TMC5: variants seen among roughly 807,000 people sequenced by gnomAD.
TMC5 encodes transmembrane channel-like protein 5.
TMC5 carries 86 observed loss-of-function variants against 110.5 expected under a neutral mutation model. The ratio of observed to expected loss-of-function variants is 0.78; its 90% confidence interval spans 0.65 to 0.93. The LOEUF is 0.93. Ranked by LOEUF, TMC5 falls within the 40% of genes least tolerant of loss-of-function variation. The pLI, the probability that TMC5 is intolerant of heterozygous loss-of-function variation, is 0.00. For missense variants in TMC5, 1,144 were observed against 1,222.8 expected (o/e 0.94, Z 0.96); for synonymous variants, 455 against 439.5 (o/e 1.04, Z -0.44).
chr16:19,423,843 C>A (rs1567296184), intron 1 of TMC5, among the ~76,000 whole-genome samples: 1 of 152,164 alleles, frequency 6.6e-6, no homozygotes, highest in Non-Finnish European at 1.5e-5. Context: ...TCTCCACCTC[C>A]CAGGTTGAAG....
intron 1 of TMC5, chr16:19,411,624 G>C (rs1361434297): frequency 6.6e-6 from 1 of 152,222 alleles, no homozygotes; most frequent in East Asian, 1.9e-4. Context: ...TTCCCTATCT[G>C]TGAAACAGGT....
At chr16:19,493,465 C>CTCTCTCT (rs71375644) in intron 19 of TMC5, among the ~76,000 whole-genome samples, 12 of 74,788 alleles carry the variant, frequency 1.6e-4, no homozygotes, top group African/African-American at 4.1e-4. Context: ...CTCTCTCTCT[C>CTCTCTCT]TTTTTTTTTT....
chr16:19,490,054 G>T (rs1046975911), intron 17 of TMC5, among the ~76,000 whole-genome samples: 2 of 152,048 alleles, frequency 1.3e-5, no homozygotes, highest in African/African-American at 4.8e-5. Flanking sequence ...CAAACTGTTG[G>T]GATTAGAGGC....
At chr16:19,460,609 A>G (rs1300912382) in intron 6 of TMC5, among the ~76,000 whole-genome samples, 1 of 152,048 alleles carries the variant, frequency 6.6e-6, no homozygotes, top group Non-Finnish European at 1.5e-5. Flanking sequence ...TCCAGTGGAG[A>G]GTCTGCCTAA....
chr16:19,456,908 C>G (rs774549724), intron 5 of TMC5: 1 of 1,614,152 alleles, frequency 6.2e-7, no homozygotes, highest in Non-Finnish European at 8.5e-7. Context: ...AAAGGGTAAC[C>G]AGGTGCTGCG....
chr16:19,421,691 T>C (rs1021597405), intron 1 of TMC5, among the ~76,000 whole-genome samples: 8 of 152,240 alleles, frequency 5.3e-5, no homozygotes, highest in African/African-American at 1.9e-4. Context: ...GCAAACAGCA[T>C]TGAATCTAGA....
At chr16:19,447,917 G>A (rs1456020945) in intron 4 of TMC5, among the ~76,000 whole-genome samples, 1 of 151,822 alleles carries the variant, frequency 6.6e-6, no homozygotes, top group African/African-American at 2.4e-5. Flanking sequence ...ACACCCAGGG[G>A]GCGCACAACT....
chr16:19,442,315 A>G (rs969958724), intron 3 of TMC5, among the ~76,000 whole-genome samples: 4 of 143,722 alleles, frequency 2.8e-5, no homozygotes, highest in African/African-American at 7.7e-5. Flanking sequence ...CACGTTGCCA[A>G]CAAAATGTAA....
intron 1 of TMC5, among the ~76,000 whole-genome samples, chr16:19,422,007 G>C (rs1966993611): frequency 6.6e-6 from 1 of 152,100 alleles, no homozygotes; most frequent in South Asian, 2.1e-4. Flanking sequence ...GAGGTGGGCG[G>C]ATCACGAGGT....
chr16:19,457,925 T>C (rs573536027), intron 5 of TMC5, among the ~76,000 whole-genome samples: 1 of 151,936 alleles, frequency 6.6e-6, no homozygotes, highest in Admixed American at 6.6e-5. Context: ...GGTTTTACCA[T>C]GTTGGCCAAC....
chr16:19,482,542 A>G (rs982492216), intron 15 of TMC5, among the ~76,000 whole-genome samples: 3 of 152,218 alleles, frequency 2.0e-5, no homozygotes, highest in Admixed American at 6.5e-5. Flanking sequence ...CCAGTTTGTC[A>G]CAATCTCCAC....
At chr16:19,419,210 A>T (rs1966923039) in intron 1 of TMC5, among the ~76,000 whole-genome samples, 1 of 152,182 alleles carries the variant, frequency 6.6e-6, no homozygotes, top group South Asian at 2.1e-4. Flanking sequence ...TTGTTTGAGC[A>T]TTCAGTTGCT....
intron 3 of TMC5, 43 bp downstream of exon 3, chr16:19,440,869 G>A (rs371282951): frequency 1.9e-6 from 3 of 1,562,556 alleles, no homozygotes; most frequent in African/African-American, 2.7e-5. Flanking sequence ...TGGATGCTGA[G>A]TGCTGAATCA....
chr16:19,474,402 G>C, intron 12 of TMC5, 126 bp downstream of exon 12: 4 of 1,143,994 alleles, frequency 3.5e-6, no homozygotes, highest in Non-Finnish European at 5.0e-6. Context: ...CAAAAGTAAG[G>C]TGTGGCTGGG....
At chr16:19,424,673 A>T (rs758143236) in intron 1 of TMC5, among the ~76,000 whole-genome samples, 2 of 152,104 alleles carry the variant, frequency 1.3e-5, no homozygotes, top group Non-Finnish European at 2.9e-5. Context: ...ATGATAAAGG[A>T]TACAGGTGAA....
At chr16:19,462,729 C>T (rs1055262146) in intron 6 of TMC5, among the ~76,000 whole-genome samples, 1 of 151,846 alleles carries the variant, frequency 6.6e-6, no homozygotes, top group African/African-American at 2.4e-5. Flanking sequence ...GTGGAAACCC[C>T]ATCTCTACTA....
At chr16:19,456,004 G>A (rs1474606371) in intron 5 of TMC5, among the ~76,000 whole-genome samples, 2 of 152,006 alleles carry the variant, frequency 1.3e-5, no homozygotes, top group South Asian at 2.1e-4. Context: ...TCAGGAGATC[G>A]AGACCATCCT....
At chr16:19,470,074 T>G (rs1320823007) in intron 10 of TMC5, among the ~76,000 whole-genome samples, 1 of 151,860 alleles carries the variant, frequency 6.6e-6, no homozygotes, top group Non-Finnish European at 1.5e-5. Context: ...TTTTGTATTT[T>G]TAGTAGAGAC....
At chr16:19,445,281 A>C (rs1967589274) in intron 4 of TMC5, among the ~76,000 whole-genome samples, 1 of 151,244 alleles carries the variant, frequency 6.6e-6, no homozygotes, top group Admixed American at 6.6e-5. Flanking sequence ...TTTTTAAGAC[A>C]GTGTCCTGCT....
Sources: gnomAD v4.1 joint callset for allele counts (sites outside exome capture counted in the v4.1 genomes callset) on GRCh38, gnomAD v4.1.1 for gene constraint, MANE v1.5 for transcripts, NCBI Gene and HGNC (gene_info 2026-07-23, HGNC 2026-07-21) for gene names.